AHNAK: variants seen among roughly 807,000 people sequenced by gnomAD.
AHNAK encodes the protein neuroblast differentiation-associated protein AHNAK.
Under a neutral mutation model 37.8 loss-of-function variants are expected in AHNAK, and 23 were observed. That is an observed-to-expected ratio of 0.61 (90% CI 0.44 to 0.86). The LOEUF (loss-of-function observed/expected upper bound fraction) is 0.86, where lower values mean the gene tolerates loss of function less well. Ranked by LOEUF, AHNAK falls within the 40% of genes least tolerant of loss-of-function variation. AHNAK has a pLI of 0.00. For missense variants in AHNAK, 7,411 were observed against 7,319.4 expected, an observed-to-expected ratio of 1.01 and a Z score of -0.46; for synonymous variants, 2,481 against 2,636.3, an observed-to-expected ratio of 0.94 and a Z score of 1.80.
chr11:62,536,348 G>A (rs1330736320), intron 2 of AHNAK, 121 bp downstream of exon 2: 3 of 420,432 alleles, frequency 7.1e-6, no homozygotes, highest in Non-Finnish European at 4.2e-6. Flanking sequence ...GAGGCAACTG[G>A]ACCCGGAGGT....
rs761740931 is a variant in AHNAK at position 62,519,563 on chromosome 11, G to A, written c.14854C>T (p.Pro4952Ser). The change falls in exon 5 of 5, where the codon CCA (proline) becomes TCA (serine). Residue 4952 changes from proline to serine, a missense_variant. Physicochemically the swap from Pro to Ser is moderately conservative, Grantham distance 74 (BLOSUM62 -1). Coordinates refer to ENST00000378024, the MANE Select transcript of AHNAK (RefSeq NM_001620.3). ...CTGTCCATGTGTACATCTAAGCTTG[G>A]AGCTTCAACTTTGGGTCCCTTGAGG... ...VDLKGPKVEA[P>S]SLDVHMDSPD... The A allele has an allele frequency of 6.2e-7, 1 of 1,611,330 alleles. No individual in the cohort carries two copies. The highest frequency in any genetic ancestry group is 2.2e-5 in the East Asian group (1 of 44,830).
At chr11:62,492,828 T>C (rs949722969) in intron 4 of AHNAK, among the ~76,000 whole-genome samples, 18 of 146,602 alleles carry the variant, frequency 1.2e-4, no homozygotes, top group African/African-American at 4.9e-4. Context: ...CAGTGAGCCA[T>C]GATCACACCA....
At chr11:62,481,870 A>G (rs1468439069) in intron 5 of AHNAK, among the ~76,000 whole-genome samples, 3 of 151,968 alleles carry the variant, frequency 2.0e-5, no homozygotes, top group African/African-American at 4.8e-5. Context: ...TGGCCCTTCA[A>G]TACTCTTTAA....
intron 5 of AHNAK, among the ~76,000 whole-genome samples, chr11:62,463,746 T>TGG (rs1938842516): frequency 1.3e-5 from 2 of 151,400 alleles, no homozygotes; most frequent in African/African-American, 4.9e-5. Flanking sequence ...GTTGGTTGGT[T>TGG]TGTTTTGGGT....
intron 4 of AHNAK, among the ~76,000 whole-genome samples, chr11:62,534,776 C>T (rs879518290): frequency 3.3e-5 from 5 of 152,128 alleles, no homozygotes; most frequent in African/African-American, 9.7e-5. Context: ...ATACTGTGGC[C>T]GCTCTGAAGA....
At chr11:62,449,242 G>C (rs1412664133) in intron 5 of AHNAK, among the ~76,000 whole-genome samples, 1 of 152,170 alleles carries the variant, frequency 6.6e-6, no homozygotes, top group Admixed American at 6.5e-5. Context: ...TGACAGCTAT[G>C]CTCTCTCCTT....
Position 62,483,562 on chromosome 11 carries a change from T to TA in AHNAK, c.442+8169dup, listed in dbSNP as rs879850631. ...TAACACGGTGAAACCCCGTCTCTAC[T>TA]AAAAAAAAAACTACAGCCAGGCGCG... On this transcript the variant is annotated intron_variant, in intron 5 of 5. Coordinates refer to the AHNAK transcript ENST00000257247. Among the ~76,000 whole-genome samples the TA allele has an allele frequency of 5.9e-3, 829 of 139,510 alleles. 4 individuals carry two copies. The highest frequency in any genetic ancestry group is 8.9e-3 in the Non-Finnish European group (575 of 64,782). The allele number at this position is 139,510 out of a possible 152,430, so 91.5% of individuals were successfully genotyped here.
chr11:62,516,406 A>T lies in AHNAK; in HGVS notation c.*338T>A. 8.0e-7 allele frequency: 1 copy of T among 1,250,116 alleles called. No homozygotes were observed. Among genetic ancestry groups the T allele is most frequent in the Non-Finnish European group, 1.0e-6 (1 of 972,908 alleles). The allele number at this position is 1,250,116 out of a possible 1,614,324, so 77.4% of individuals were successfully genotyped here. ...GGGTTTCCATTACCCCAAAACTAAC[A>T]ATGTTCAGTAAAAATGAGGATAATA... On this transcript the variant is annotated 3_prime_UTR_variant, in exon 5 of 5. Transcript: ENST00000378024.
At chr11:62,499,982 T>C (rs1001029166) in intron 4 of AHNAK, among the ~76,000 whole-genome samples, 5 of 152,182 alleles carry the variant, frequency 3.3e-5, no homozygotes, top group African/African-American at 1.2e-4. Context: ...GCCCTCACTT[T>C]CCAGTCCTCT....
intron 4 of AHNAK, among the ~76,000 whole-genome samples, chr11:62,493,419 G>A (rs779218549): frequency 7.0e-6 from 1 of 143,876 alleles, no homozygotes; most frequent in African/African-American, 2.6e-5. Context: ...TCTGCCTCCC[G>A]GGTTCAAGCA....
At position 62,484,052 on chromosome 11, in the gene AHNAK, A is replaced by AAT. The variant is rs1939338270; in HGVS notation, c.442+7679_442+7680insAT. On this transcript the variant is annotated intron_variant, in intron 5 of 5. Coordinates refer to the AHNAK transcript ENST00000257247. ...ACTCCATCTCAAAAAAAAAAAAAAA[A>AAT]AAAAGAAAGGGCATGCATAGAGCAG... Among the ~76,000 whole-genome samples the AAT allele has an allele frequency of 6.0e-5, 9 of 150,568 alleles. No individual in the cohort carries two copies. The Admixed American group carries it at 6.0e-4, about 10-fold the overall frequency.
At position 62,443,275 on chromosome 11, in the gene AHNAK, C is replaced by CT. The variant is rs530619642; in HGVS notation, c.443-9385dup. Among the ~76,000 whole-genome samples, 741 of 99,764 alleles carry CT rather than the reference C, an allele frequency of 7.4e-3. 31 individuals carry two copies. Among genetic ancestry groups the CT allele is most frequent in the African/African-American group, 0.022 (574 of 25,592 alleles). The allele number at this position is 99,764 out of a possible 152,430, so 65.4% of individuals were successfully genotyped here. On this transcript the variant is annotated intron_variant, in intron 5 of 5. Coordinates refer to the AHNAK transcript ENST00000257247. ...ACAGGTGTGAGCCACTGCACCCGGCCTTTTTTTTTTTTTTGAGACAGAGTT... is the reference window on the plus strand; with the variant it reads ...ACAGGTGTGAGCCACTGCACCCGGCCTTTTTTTTTTTTTTTGAGACAGAGTT...
intron 5 of AHNAK, among the ~76,000 whole-genome samples, chr11:62,476,387 C>T (rs12278007): frequency 0.089 from 13,559 of 152,136 alleles, 2,016 homozygotes; most frequent in African/African-American, 0.31. Flanking sequence ...AGCAAGACTC[C>T]GTCTCAAAAA....
intron 1 of AHNAK, among the ~76,000 whole-genome samples, chr11:62,537,128 T>C (rs1369200983): frequency 6.6e-6 from 1 of 151,802 alleles, no homozygotes; most frequent in Non-Finnish European, 1.5e-5. Flanking sequence ...ACCCGGCTAA[T>C]TTTTTGTATT....
chr11:62,477,115 G>T (rs1488853483), intron 5 of AHNAK, among the ~76,000 whole-genome samples: 1 of 152,120 alleles, frequency 6.6e-6, no homozygotes, highest in South Asian at 2.1e-4. Context: ...CAGGCATCTC[G>T]ACAACTTTTT....
chr11:62,485,036 G>T (rs1447567544), intron 5 of AHNAK, among the ~76,000 whole-genome samples: 5 of 152,122 alleles, frequency 3.3e-5, no homozygotes, highest in African/African-American at 1.2e-4. Context: ...TGATCTGCCT[G>T]CCTCGGCCTC....
rs1349438250 is a variant in AHNAK at position 62,518,919 on chromosome 11, T to G, written c.15498A>C (p.Ala5166=). 6.2e-7 allele frequency: 1 copy of G among 1,614,120 alleles called. No individual in the cohort carries two copies. Among genetic ancestry groups the G allele is most frequent in the Non-Finnish European group, 8.5e-7 (1 of 1,180,050 alleles). Residue 5166 remains alanine (A), a synonymous_variant, in exon 5 of 5, where the codon GCA becomes GCC. Transcript: ENST00000378024. The part of the protein sequence containing the change: ...EGDLKGPKVQ[A]NLGAPDINIE... ...TGTTGATGTCAGGTGCACCCAAGTT[T>G]GCCTGCACTTTGGGGCCTTTCAGGT...
intron 5 of AHNAK, among the ~76,000 whole-genome samples, chr11:62,476,826 C>T (rs752239793): frequency 6.6e-6 from 1 of 152,102 alleles, no homozygotes; most frequent in Non-Finnish European, 1.5e-5. Flanking sequence ...AAAAGAAGGT[C>T]ATGGTCACTG....
At chr11:62,478,878 T>C (rs1406639158) in intron 5 of AHNAK, among the ~76,000 whole-genome samples, 2 of 152,064 alleles carry the variant, frequency 1.3e-5, no homozygotes, top group African/African-American at 4.8e-5. Flanking sequence ...TTTTTTTTGT[T>C]TGTTTGTTTG....
Sources: allele counts gnomAD v4.1 joint callset (sites outside exome capture counted in the v4.1 genomes callset), GRCh38; gene constraint gnomAD v4.1.1; transcripts MANE v1.5; gene names NCBI Gene and HGNC (gene_info 2026-07-23, HGNC 2026-07-21).